The following CACNA2D1 variants were observed in gnomAD, a reference collection of about 807,000 sequenced individuals.
CACNA2D1 encodes the protein voltage-dependent calcium channel subunit alpha-2/delta-1.
A neutral mutation model predicts 171.5 loss-of-function variants in CACNA2D1; 53 were observed. That is an observed-to-expected ratio of 0.31 (90% confidence interval 0.25 to 0.39). CACNA2D1 has a LOEUF of 0.39. CACNA2D1 is among the 10% of genes least tolerant of loss of function. The pLI is 1.00. For synonymous variants in CACNA2D1, 442 were observed against 443.1 expected (o/e 1.00, Z 0.03); for missense variants, 903 against 1,299.8 (o/e 0.69, Z 4.69).
intron 24 of CACNA2D1, among the ~76,000 whole-genome samples, chr7:81,976,307 G>A (rs1795834307): frequency 6.6e-6 from 1 of 152,124 alleles, no homozygotes; most frequent in Admixed American, 6.5e-5. Flanking sequence ...GATGGGTATA[G>A]CATTGAATCT....
At chr7:82,373,633 T>C (rs1822671125) in intron 1 of CACNA2D1, among the ~76,000 whole-genome samples, 1 of 152,102 alleles carries the variant, frequency 6.6e-6, no homozygotes, top group Admixed American at 6.5e-5. Flanking sequence ...CAATAAAAAA[T>C]AAAAATTATG....
Position 81,950,311 on chromosome 7 carries a change from C to T in CACNA2D1, c.*81G>A. The T allele has an allele frequency of 1.2e-6, 2 of 1,611,572 alleles. No homozygotes were observed. The highest frequency in any genetic ancestry group is 1.7e-6 in the Non-Finnish European group (2 of 1,178,612). Reference sequence around the variant, plus strand: ...ATGTTTGTCTGATTTTATAGCTGACCCTACGTTACTGTAATTGAGGGCAGG... The same window carrying T: ...ATGTTTGTCTGATTTTATAGCTGACTCTACGTTACTGTAATTGAGGGCAGG... On this transcript the variant is annotated 3_prime_UTR_variant, in exon 39 of 39. Coordinates refer to ENST00000356860, the MANE Select transcript of CACNA2D1 (RefSeq NM_000722.4).
Position 82,059,131 on chromosome 7 carries a change from A to G in CACNA2D1, c.879+1297T>C, listed in dbSNP as rs183097523. The stretch of plus-strand genomic sequence containing the variant: ...TAACTTCTTCCTCCCAAGTCATTTC[A>G]GAGACAGATCCATTTTTCAATACAA... On this transcript the variant is annotated intron_variant, in intron 10 of 38. Coordinates refer to ENST00000356860, the MANE Select transcript of CACNA2D1 (RefSeq NM_000722.4). Among the ~76,000 whole-genome samples the G allele has an allele frequency of 1.7e-3, 256 of 152,254 alleles. 4 individuals are homozygous for G. Among genetic ancestry groups the G allele is most frequent in the Non-Finnish European group, 2.6e-4 (18 of 68,016 alleles).
chr7:82,053,544 C>A (rs2131326995), intron 10 of CACNA2D1, among the ~76,000 whole-genome samples: 1 of 151,990 alleles, frequency 6.6e-6, no homozygotes, highest in South Asian at 2.1e-4. Context: ...TAAATAAGAG[C>A]CATAAACAAG....
intron 21 of CACNA2D1, 102 bp downstream of exon 21, chr7:81,991,083 G>C (rs1261489816): frequency 1.5e-6 from 1 of 687,430 alleles, no homozygotes; most frequent in Admixed American, 1.9e-5. Flanking sequence ...TTTCATGTTG[G>C]GAACTTTTCT....
At position 82,393,094 on chromosome 7, in the gene CACNA2D1, GCA is replaced by G. The variant is rs1470669246; in HGVS notation, c.96-43447_96-43446del. Among the ~76,000 whole-genome samples the G allele has an allele frequency of 4.1e-3, 560 of 135,750 alleles. 9 individuals carry two copies. The highest frequency in any genetic ancestry group is 0.016 in the African/African-American group (539 of 33,328). 89.1% of individuals were successfully genotyped at this position (135,750 alleles called of 152,430 possible). On this transcript the variant is annotated intron_variant, in intron 1 of 38. Coordinates refer to ENST00000356860, the MANE Select transcript of CACNA2D1 (RefSeq NM_000722.4). ...GGAAGGAAGGAAGGAAGGCAGGCAG[GCA>G]GGCAGGCAGGCAGGCAGGGAGGGAG...
At chr7:82,184,803 A>G (rs1022315536) in intron 3 of CACNA2D1, among the ~76,000 whole-genome samples, 3 of 152,202 alleles carry the variant, frequency 2.0e-5, no homozygotes, top group Non-Finnish European at 4.4e-5. Context: ...TCTTTTACAT[A>G]TGGTATCTCA....
At chr7:82,079,827 G>A (rs1003703918) in intron 7 of CACNA2D1, among the ~76,000 whole-genome samples, 1 of 151,742 alleles carries the variant, frequency 6.6e-6, no homozygotes, top group African/African-American at 2.4e-5. Flanking sequence ...TTAGAGAGGA[G>A]GAATAAATTC....
intron 4 of CACNA2D1, among the ~76,000 whole-genome samples, chr7:82,158,400 G>A (rs889351482): frequency 5.2e-4 from 79 of 151,780 alleles, no homozygotes; most frequent in Non-Finnish European, 4.9e-4. Context: ...TATGTGAAAT[G>A]TGTTTGATAA....
intron 12 of CACNA2D1, among the ~76,000 whole-genome samples, chr7:82,031,324 T>C (rs1041765298): frequency 6.6e-6 from 1 of 151,936 alleles, no homozygotes; most frequent in Non-Finnish European, 1.5e-5. Context: ...GTAAGAGTTA[T>C]TAAATAAAGA....
chr7:82,227,883 T>G (rs946477211), intron 3 of CACNA2D1, among the ~76,000 whole-genome samples: 3 of 152,076 alleles, frequency 2.0e-5, no homozygotes, highest in Non-Finnish European at 4.4e-5. Flanking sequence ...TCACCTCAAT[T>G]TAGGTCAGAT....
chr7:82,407,462 T>G (rs1827180617), intron 1 of CACNA2D1, among the ~76,000 whole-genome samples: 1 of 152,192 alleles, frequency 6.6e-6, no homozygotes, highest in African/African-American at 2.4e-5. Flanking sequence ...CTTGATGGTC[T>G]GCACATTGGT....
chr7:82,001,904 T>C (rs1259569895), intron 18 of CACNA2D1, among the ~76,000 whole-genome samples: 1 of 150,892 alleles, frequency 6.6e-6, no homozygotes, highest in Non-Finnish European at 1.5e-5. Flanking sequence ...CTTCAATGAA[T>C]ACAAACTGTT....
At chr7:82,423,647 G>A (rs1216223094) in intron 1 of CACNA2D1, among the ~76,000 whole-genome samples, 2 of 152,158 alleles carry the variant, frequency 1.3e-5, no homozygotes, top group Non-Finnish European at 2.9e-5. Flanking sequence ...TTGAGGAAAA[G>A]GCCATTGCGA....
At chr7:82,197,916 A>T (rs943534216) in intron 3 of CACNA2D1, among the ~76,000 whole-genome samples, 5 of 151,976 alleles carry the variant, frequency 3.3e-5, no homozygotes, top group Non-Finnish European at 7.4e-5. Context: ...GCACACACAC[A>T]CACATATGTC....
At chr7:81,963,912 A>G in intron 34 of CACNA2D1, 144 bp downstream of exon 34, 1 of 686,406 alleles carries the variant, frequency 1.5e-6, no homozygotes, top group Non-Finnish European at 2.6e-6. Context: ...TATAAATATT[A>G]CCAATAGGTG....
At chr7:82,367,091 G>T (rs974812811) in intron 1 of CACNA2D1, among the ~76,000 whole-genome samples, 5 of 151,154 alleles carry the variant, frequency 3.3e-5, no homozygotes, top group African/African-American at 1.2e-4. Context: ...TTAATTTTTT[G>T]TAGTGACAGG....
Position 81,949,366 on chromosome 7 carries a change from G to C in CACNA2D1, c.*1026C>G, listed in dbSNP as rs984781534. The stretch of plus-strand genomic sequence containing the variant: ...AGTAGTTTAACAACATTTTAAAGAT[G>C]ACTTAAGTGCATTTACACTGCAAGG... On this transcript the variant is annotated 3_prime_UTR_variant, in exon 39 of 39. Coordinates refer to ENST00000356860, the MANE Select transcript of CACNA2D1 (RefSeq NM_000722.4). 4.1e-4 allele frequency: 63 copies of C among 151,928 alleles called. No individual in the cohort carries two copies. The highest frequency in any genetic ancestry group is 1.5e-3 in the African/African-American group (61 of 41,366). 9.4% of individuals were successfully genotyped at this position (151,928 alleles called of 1,614,324 possible). A position where few individuals can be genotyped will look rare whatever the true frequency, so the allele number is the denominator to read the frequency against.
chr7:82,261,558 T>A (rs1807103901), intron 3 of CACNA2D1, among the ~76,000 whole-genome samples: 1 of 152,190 alleles, frequency 6.6e-6, no homozygotes, highest in South Asian at 2.1e-4. Context: ...TACCACATCA[T>A]AAAGGCAGTC....
Sources: allele counts gnomAD v4.1 joint callset (sites outside exome capture counted in the v4.1 genomes callset), GRCh38; gene constraint gnomAD v4.1.1; transcripts MANE v1.5; gene names NCBI Gene and HGNC (gene_info 2026-07-23, HGNC 2026-07-21).